BLTP3B: variants seen among roughly 807,000 people sequenced by gnomAD.
The protein encoded by BLTP3B is UHRF1 (ICBP90) binding protein 1-like.
At chr12:100,142,756 G>C in the BLTP3B span, 1 of 1,437,778 alleles carries the variant, frequency 7.0e-7, no homozygotes, top group Non-Finnish European at 9.3e-7. Context: ...GCTCACGACC[G>C]GGAGAGACCC....
the BLTP3B span, among the ~76,000 whole-genome samples, chr12:100,049,063 TA>T: frequency 6.6e-6 from 1 of 151,954 alleles, no homozygotes; most frequent in African/African-American, 2.4e-5. Context: ...GCACATGGTA[TA>T]ATCTGATAAA....
At chr12:100,138,249 C>T in the BLTP3B span, among the ~76,000 whole-genome samples, 138 of 152,342 alleles carry the variant, frequency 9.1e-4, no homozygotes, top group African/African-American at 3.1e-3. Flanking sequence ...TAGCTGGTTC[C>T]TGTTCTTTCC....
chr12:100,106,266 A>C, the BLTP3B span, among the ~76,000 whole-genome samples: 1 of 109,198 alleles, frequency 9.2e-6, no homozygotes, highest in African/African-American at 3.7e-5. Flanking sequence ...CCTCATTTCA[A>C]ACATGACTCT....
the BLTP3B span, among the ~76,000 whole-genome samples, chr12:100,062,735 G>A: frequency 6.6e-6 from 1 of 152,190 alleles, no homozygotes; most frequent in Non-Finnish European, 1.5e-5. Flanking sequence ...GCCAAAGTGG[G>A]AGGATGGCTT....
At chr12:100,140,329 C>T in the BLTP3B span, among the ~76,000 whole-genome samples, 1 of 151,628 alleles carries the variant, frequency 6.6e-6, no homozygotes, top group East Asian at 1.9e-4. Context: ...ACTCAAGTGT[C>T]CCAAAAACTC....
chr12:100,075,076 A>G, the BLTP3B span, among the ~76,000 whole-genome samples: 61 of 150,822 alleles, frequency 4.0e-4, no homozygotes, highest in Non-Finnish European at 7.2e-4. Flanking sequence ...CAATGGCATG[A>G]TCTCAGCTCA....
the BLTP3B span, among the ~76,000 whole-genome samples, chr12:100,110,552 C>A: frequency 5.9e-5 from 9 of 152,204 alleles, no homozygotes; most frequent in Admixed American, 5.9e-4. Flanking sequence ...GGAAGCAGTA[C>A]ACTTGAGGTC....
the BLTP3B span, chr12:100,092,926 C>A: frequency 8.7e-5 from 86 of 985,304 alleles, no homozygotes; most frequent in South Asian, 3.8e-3. Flanking sequence ...AAATCTACTT[C>A]CTTCTGCCTT....
chr12:100,127,739 A>G, the BLTP3B span, among the ~76,000 whole-genome samples: 2 of 152,202 alleles, frequency 1.3e-5, no homozygotes, highest in Non-Finnish European at 2.9e-5. Flanking sequence ...CTGGCAGAGC[A>G]TGCTGGTGCA....
chr12:100,104,068 C>T, the BLTP3B span: 2 of 636,186 alleles, frequency 3.1e-6, no homozygotes, highest in East Asian at 6.7e-5. Context: ...TATAAAATCA[C>T]TTTTCTTAAA....
chr12:100,058,809 T>A, the BLTP3B span: 1 of 1,613,984 alleles, frequency 6.2e-7, no homozygotes, highest in Non-Finnish European at 8.5e-7. Context: ...AAGCAGATAC[T>A]GGTAGTGATT....
chr12:100,124,957 TATATATATATATATATA>T, the BLTP3B span, among the ~76,000 whole-genome samples: 2 of 100,436 alleles, frequency 2.0e-5, no homozygotes, highest in African/African-American at 9.5e-5. Flanking sequence ...TATATATATA[TATATATATATATATATA>T]TATATTTATA....
At chr12:100,076,388 C>CTTTTTT in the BLTP3B span, among the ~76,000 whole-genome samples, 1 of 110,214 alleles carries the variant, frequency 9.1e-6, no homozygotes, top group Non-Finnish European at 1.8e-5. Context: ...CCTCAGCAAT[C>CTTTTTT]TTTTTTTTTT....
At chr12:100,114,375 G>A in the BLTP3B span, among the ~76,000 whole-genome samples, 1 of 152,110 alleles carries the variant, frequency 6.6e-6, no homozygotes, top group Non-Finnish European at 1.5e-5. Flanking sequence ...GAAACACATA[G>A]CCACAACGTT....
the BLTP3B span, chr12:100,057,611 TAATAACTGTTCTTCC>T: frequency 1.9e-6 from 3 of 1,611,626 alleles, no homozygotes; most frequent in African/African-American, 1.3e-5. Context: ...CATCACTTTC[TAATAACTGTTCTTCC>T]AATATCATGC....
At chr12:100,072,608 A>C in the BLTP3B span, 1 of 1,336,916 alleles carries the variant, frequency 7.5e-7, no homozygotes, top group Admixed American at 2.8e-5. Flanking sequence ...AAAACTCAAA[A>C]ATATTAACAA....
the BLTP3B span, among the ~76,000 whole-genome samples, chr12:100,115,248 T>C: frequency 1.3e-5 from 2 of 152,082 alleles, no homozygotes; most frequent in South Asian, 4.2e-4. Context: ...CCACTAAAAA[T>C]ACCAAACATT....
At chr12:100,135,160 T>A in the BLTP3B span, among the ~76,000 whole-genome samples, 32 of 152,322 alleles carry the variant, frequency 2.1e-4, no homozygotes, top group Non-Finnish European at 4.1e-4. Context: ...CCACCTATAT[T>A]GGTGGTCTTC....
the BLTP3B span, chr12:100,072,907 A>C: frequency 7.3e-7 from 1 of 1,364,316 alleles, no homozygotes; most frequent in Non-Finnish European, 9.8e-7. Flanking sequence ...AACTACTTAC[A>C]AAACTTTGCT....
Sources: allele counts gnomAD v4.1 joint callset (sites outside exome capture counted in the v4.1 genomes callset), GRCh38; gene constraint gnomAD v4.1.1; transcripts MANE v1.5; gene names NCBI Gene and HGNC (gene_info 2026-07-23, HGNC 2026-07-21).